The following RIMS2 variants were observed in gnomAD, a reference collection of about 807,000 sequenced individuals.
RIMS2 encodes regulating synaptic membrane exocytosis protein 2.
RIMS2 carries 59 observed loss-of-function variants against 174.4 expected under a neutral mutation model. That is an observed-to-expected ratio of 0.34 (90% CI 0.27 to 0.42). The LOEUF is 0.42. Among genes scored for constraint, RIMS2 ranks in the 10% least tolerant of loss-of-function variants. The probability of loss-of-function intolerance (pLI) is 1.00; values close to 1 mark genes in which losing one functional copy is unlikely to be tolerated. For synonymous variants in RIMS2, 606 were observed against 572.5 expected, an observed-to-expected ratio of 1.06 and a Z score of -0.84; for missense variants, 1,620 against 1,666.3, an observed-to-expected ratio of 0.97 and a Z score of 0.48.
chr8:103,947,337 G>T (rs2084047753), intron 14 of RIMS2, among the ~76,000 whole-genome samples: 1 of 152,154 alleles, frequency 6.6e-6, no homozygotes, highest in Non-Finnish European at 1.5e-5. Flanking sequence ...ATACAGTCAT[G>T]TGGCAGCTAA....
At chr8:104,077,871 G>A (rs533499634) in intron 19 of RIMS2, among the ~76,000 whole-genome samples, 1 of 151,626 alleles carries the variant, frequency 6.6e-6, no homozygotes, top group East Asian at 2.0e-4. Flanking sequence ...GGCCGGGCAC[G>A]GTGGCTCACG....
chr8:104,128,063 G>C (rs2098445964), intron 19 of RIMS2, among the ~76,000 whole-genome samples: 2 of 152,180 alleles, frequency 1.3e-5, no homozygotes. Context: ...TCACTCAACT[G>C]AAACAGGTGA....
At chr8:103,700,000 T>C (rs2137426093) in intron 2 of RIMS2, among the ~76,000 whole-genome samples, 1 of 152,298 alleles carries the variant, frequency 6.6e-6, no homozygotes, top group South Asian at 2.1e-4. Context: ...CAGAATATGG[T>C]TACTTTGGTA....
intron 1 of RIMS2, among the ~76,000 whole-genome samples, chr8:103,610,032 G>T (rs1041163677): frequency 6.6e-6 from 1 of 152,112 alleles, no homozygotes; most frequent in South Asian, 2.1e-4. Flanking sequence ...AATTCTCATT[G>T]TAGAGATCTT....
intron 1 of RIMS2, among the ~76,000 whole-genome samples, chr8:103,509,046 A>G (rs1281171217): frequency 1.3e-5 from 2 of 151,976 alleles, no homozygotes; most frequent in African/African-American, 2.4e-5. Context: ...GGCTTATTTT[A>G]TTGTTTTAGT....
At chr8:104,089,123 C>T (rs2097586083) in intron 19 of RIMS2, among the ~76,000 whole-genome samples, 1 of 151,824 alleles carries the variant, frequency 6.6e-6, no homozygotes, top group Non-Finnish European at 1.5e-5. Flanking sequence ...CAGCTAAGAT[C>T]GTATTATCCT....
intron 3 of RIMS2, among the ~76,000 whole-genome samples, chr8:103,795,175 G>C (rs1021314681): frequency 1.3e-5 from 2 of 152,136 alleles, no homozygotes; most frequent in African/African-American, 2.4e-5. Flanking sequence ...GCAAAGACCT[G>C]GAACCAACCC....
intron 19 of RIMS2, chr8:104,223,399 C>A (rs1587768562): frequency 6.3e-6 from 8 of 1,262,968 alleles, no homozygotes; most frequent in Non-Finnish European, 7.9e-6. Context: ...ACGTTCACTG[C>A]GAGCAGCCGC....
chr8:103,795,489 T>C (rs2098542777), intron 3 of RIMS2, among the ~76,000 whole-genome samples: 1 of 151,600 alleles, frequency 6.6e-6, no homozygotes, highest in African/African-American at 2.4e-5. Flanking sequence ...TGAAAATGAG[T>C]TAATGCGTGC....
chr8:103,565,514 CA>C (rs1375678888), intron 1 of RIMS2, among the ~76,000 whole-genome samples: 4 of 152,012 alleles, frequency 2.6e-5, no homozygotes, highest in Non-Finnish European at 5.9e-5. Context: ...CCATTTTGCC[CA>C]GGCTGGTCTC....
At chr8:103,887,846 T>C (rs1312227777) in intron 4 of RIMS2, among the ~76,000 whole-genome samples, 3 of 151,648 alleles carry the variant, frequency 2.0e-5, no homozygotes, top group Non-Finnish European at 4.4e-5. Context: ...CATAAAATTT[T>C]ACTGAGTAAC....
chr8:103,768,768 CA>C, intron 3 of RIMS2: 1 of 744,246 alleles, frequency 1.3e-6, no homozygotes, highest in Non-Finnish European at 2.5e-6. Flanking sequence ...AGCCTTTAAA[CA>C]AAGAAGGTAA....
At chr8:103,834,622 T>G (rs1328999420) in intron 3 of RIMS2, among the ~76,000 whole-genome samples, 1 of 151,922 alleles carries the variant, frequency 6.6e-6, no homozygotes, top group East Asian at 1.9e-4. Flanking sequence ...TTCCAGTCTG[T>G]TTTTGCTCGA....
chr8:103,594,569 CTA>C (rs1449647343), intron 1 of RIMS2, among the ~76,000 whole-genome samples: 4 of 151,742 alleles, frequency 2.6e-5, no homozygotes, highest in Non-Finnish European at 5.9e-5. Flanking sequence ...TCAGTATTTG[CTA>C]ATTCATGGTT....
At chr8:104,190,313 CTAAT>C (rs2098991110) in intron 19 of RIMS2, among the ~76,000 whole-genome samples, 1 of 151,922 alleles carries the variant, frequency 6.6e-6, no homozygotes, top group Non-Finnish European at 1.5e-5. Context: ...AAAATATAAA[CTAAT>C]TAATTAAAAA....
intron 19 of RIMS2, among the ~76,000 whole-genome samples, chr8:104,080,590 C>G (rs1456747862): frequency 1.3e-5 from 2 of 151,938 alleles, no homozygotes; most frequent in African/African-American, 4.8e-5. Context: ...TGAATTGACA[C>G]TTGTGTAAAA....
At chr8:103,787,037 G>T (rs568017504) in intron 3 of RIMS2, among the ~76,000 whole-genome samples, 4,618 of 149,452 alleles carry the variant, frequency 0.031, 217 homozygotes, top group African/African-American at 0.11. Context: ...GGCCTTCTTT[G>T]TCTCTTTTGA....
intron 3 of RIMS2, among the ~76,000 whole-genome samples, chr8:103,828,907 T>C (rs193246985): frequency 2.3e-4 from 35 of 152,266 alleles, no homozygotes; most frequent in Non-Finnish European, 1.9e-4. Context: ...GGTTCTGTAA[T>C]CTGTTCTGTT....
chr8:103,862,030 G>A (rs1004882456), intron 3 of RIMS2, among the ~76,000 whole-genome samples: 2 of 151,794 alleles, frequency 1.3e-5, no homozygotes, highest in African/African-American at 4.8e-5. Flanking sequence ...TTTTGGGCTC[G>A]TAGTCATAAA....
Sources: allele counts gnomAD v4.1 joint callset (sites outside exome capture counted in the v4.1 genomes callset), GRCh38; gene constraint gnomAD v4.1.1; transcripts MANE v1.5; gene names NCBI Gene and HGNC (gene_info 2026-07-23, HGNC 2026-07-21).